Variants in FKBP5 observed in about 807,000 individuals in gnomAD.
FKBP5 encodes the protein peptidyl-prolyl cis-trans isomerase FKBP5.
FKBP5 carries 23 observed loss-of-function variants against 50.5 expected under a neutral mutation model. That is an observed-to-expected ratio of 0.46 (90% CI 0.33 to 0.65). FKBP5 has a LOEUF of 0.65. Among genes scored for constraint, FKBP5 ranks in the 30% least tolerant of loss-of-function variants. FKBP5 has a pLI of 0.02. For synonymous variants in FKBP5, 176 were observed against 190.6 expected, an observed-to-expected ratio of 0.92 and a Z score of 0.63; for missense variants, 411 against 553.1, an observed-to-expected ratio of 0.74 and a Z score of 2.58.
rs541601419 is a variant in FKBP5 at position 35,655,417 on chromosome 6, G to A, written c.-19-12574C>T. Among the ~76,000 whole-genome samples the A allele has an allele frequency of 3.5e-4, 54 of 152,276 alleles. No individual in the cohort carries two copies. In the South Asian group the frequency reaches 6.6e-3, roughly 19 times the overall value. ...TCTATAGAAAGTCAAATTTCTACCT[G>A]TGCCACAGTGGTAGAGTAACTTGAG... On this transcript the variant is annotated intron_variant, in intron 1 of 10. Coordinates refer to ENST00000357266, the MANE Select transcript of FKBP5 (RefSeq NM_004117.4).
At chr6:35,610,883 T>C (rs1460743713) in intron 5 of FKBP5, among the ~76,000 whole-genome samples, 1 of 152,090 alleles carries the variant, frequency 6.6e-6, no homozygotes, top group African/African-American at 2.4e-5. Flanking sequence ...GGTCTGGGTG[T>C]CAGAATTTTT....
chr6:35,684,082 T>C (rs1027461730), intron 1 of FKBP5, among the ~76,000 whole-genome samples: 5 of 152,038 alleles, frequency 3.3e-5, no homozygotes, highest in African/African-American at 1.2e-4. Flanking sequence ...AATAAAGAAT[T>C]TGGACATTCC....
intron 1 of FKBP5, among the ~76,000 whole-genome samples, chr6:35,648,247 T>A (rs1250500229): frequency 6.6e-6 from 1 of 152,138 alleles, no homozygotes; most frequent in Non-Finnish European, 1.5e-5. Flanking sequence ...CTAAGAGAAA[T>A]TCTTTGATGG....
At chr6:35,622,344 C>T (rs1447955451) in intron 3 of FKBP5, among the ~76,000 whole-genome samples, 1 of 152,016 alleles carries the variant, frequency 6.6e-6, no homozygotes, top group African/African-American at 2.4e-5. Context: ...AACTCCATCT[C>T]TACAAAAATT....
chr6:35,604,505 T>C (rs544400441), intron 5 of FKBP5, among the ~76,000 whole-genome samples: 37 of 152,344 alleles, frequency 2.4e-4, no homozygotes, highest in African/African-American at 7.2e-4. Flanking sequence ...CCTAGACTTA[T>C]ATCCCAGGAC....
At chr6:35,671,107 T>C (rs745624108) in intron 1 of FKBP5, among the ~76,000 whole-genome samples, 28 of 151,574 alleles carry the variant, frequency 1.8e-4, no homozygotes, top group Middle Eastern at 3.4e-3. Flanking sequence ...CCACAAAAAA[T>C]AGAAAAGTTA....
At chr6:35,707,980 C>T (rs1407879483) in intron 2 of FKBP5, among the ~76,000 whole-genome samples, 1 of 152,162 alleles carries the variant, frequency 6.6e-6, no homozygotes, top group Admixed American at 6.6e-5. Flanking sequence ...AAGACTGCTA[C>T]AGTTCTGTAA....
At chr6:35,581,963 C>T (rs557966462) in intron 8 of FKBP5, 244 of 985,294 alleles carry the variant, frequency 2.5e-4, no homozygotes, top group Non-Finnish European at 2.9e-4. Context: ...AACCATAGAG[C>T]AGGTCTAAGA....
chr6:35,700,003 C>T lies in FKBP5; in HGVS notation c.-20+20325G>A, dbSNP rs570715367. Among the ~76,000 whole-genome samples, 388 of 151,872 alleles carry T rather than the reference C, an allele frequency of 2.6e-3. No homozygotes were observed. In the Middle Eastern group the frequency reaches 0.037, roughly 15 times the overall value. On this transcript the variant is annotated intron_variant, in intron 2 of 11. Coordinates refer to the FKBP5 transcript ENST00000536438. Reference sequence around the variant, plus strand: ...CAGAGACTGTAGTGAGCTGAAATTGCGCCACTGCACTCCAGTCTGGGCGAC... The same window carrying T: ...CAGAGACTGTAGTGAGCTGAAATTGTGCCACTGCACTCCAGTCTGGGCGAC...
At chr6:35,650,432 A>G (rs1414064645) in intron 1 of FKBP5, among the ~76,000 whole-genome samples, 2 of 151,648 alleles carry the variant, frequency 1.3e-5, no homozygotes, top group Non-Finnish European at 2.9e-5. Context: ...ATGATGCCAC[A>G]ATGGGCTAAT....
chr6:35,590,074 G>A (rs1762766306), intron 7 of FKBP5, among the ~76,000 whole-genome samples: 1 of 152,216 alleles, frequency 6.6e-6, no homozygotes, highest in Non-Finnish European at 1.5e-5. Flanking sequence ...AAGGCAGGAG[G>A]ATGGCTCAAG....
At chr6:35,589,128 A>ATATATATTTTTT (rs1427010607) in intron 7 of FKBP5, among the ~76,000 whole-genome samples, 4 of 121,560 alleles carry the variant, frequency 3.3e-5, no homozygotes, top group African/African-American at 1.3e-4. Flanking sequence ...ATATATATAT[A>ATATATATTTTTT]TTTTTTTTTT....
intron 3 of FKBP5, among the ~76,000 whole-genome samples, chr6:35,630,873 G>A (rs756886616): frequency 6.6e-6 from 1 of 152,146 alleles, no homozygotes; most frequent in Non-Finnish European, 1.5e-5. Flanking sequence ...TTACTTTTCC[G>A]AAGACCAATT....
At chr6:35,615,826 C>A (rs1455845668) in intron 5 of FKBP5, among the ~76,000 whole-genome samples, 1 of 152,190 alleles carries the variant, frequency 6.6e-6, no homozygotes, top group Non-Finnish European at 1.5e-5. Context: ...AGTAGTGAAA[C>A]ATGGTTTCCC....
intron 1 of FKBP5, among the ~76,000 whole-genome samples, chr6:35,681,854 A>C (rs1157298426): frequency 6.6e-6 from 1 of 152,228 alleles, no homozygotes; most frequent in African/African-American, 2.4e-5. Context: ...TGTGTAATAC[A>C]CACACATACA....
Position 35,577,201 on chromosome 6 carries a change from G to A in FKBP5, c.1059C>T (p.Gly353=). The change falls in exon 10 of 11, where the codon GGC becomes GGT. Residue 353 remains glycine, a synonymous_variant. Coordinates refer to ENST00000357266, the MANE Select transcript of FKBP5 (RefSeq NM_004117.4). The part of the protein sequence containing the change: ...ALGLDSANEK[G]LYRRGEAQLL... Reference sequence around the variant, plus strand: ...GCTGGGCTTCACCCCTCCTATACAAGCCTTTCTCATTGGCACTGTCCAGTC... The same window carrying A: ...GCTGGGCTTCACCCCTCCTATACAAACCTTTCTCATTGGCACTGTCCAGTC... 1.2e-6 allele frequency: 2 copies of A among 1,612,930 alleles called. No homozygotes were observed. Among genetic ancestry groups the A allele is most frequent in the Non-Finnish European group, 1.7e-6 (2 of 1,179,294 alleles).
chr6:35,622,260 G>C (rs528115768), intron 3 of FKBP5, among the ~76,000 whole-genome samples: 1 of 152,198 alleles, frequency 6.6e-6, no homozygotes, highest in African/African-American at 2.4e-5. Context: ...TCTCATCTCA[G>C]CATTTTGGAA....
chr6:35,628,500 T>C (rs1456062828), intron 3 of FKBP5, among the ~76,000 whole-genome samples: 1 of 152,192 alleles, frequency 6.6e-6, no homozygotes, highest in Non-Finnish European at 1.5e-5. Flanking sequence ...GTAATAAAAA[T>C]GCATCTGATT....
chr6:35,586,812 A>C, intron 8 of FKBP5: 1 of 1,415,954 alleles, frequency 7.1e-7, no homozygotes, highest in Non-Finnish European at 9.2e-7. Context: ...GGAAGGTTAC[A>C]ATCTAGAGCA....
Sources: allele counts gnomAD v4.1 joint callset (sites outside exome capture counted in the v4.1 genomes callset), GRCh38; gene constraint gnomAD v4.1.1; transcripts MANE v1.5; gene names NCBI Gene and HGNC (gene_info 2026-07-23, HGNC 2026-07-21).